TMCO5A: variants seen among roughly 807,000 people sequenced by gnomAD.
TMCO5A encodes transmembrane and coiled-coil domains 5A.
In TMCO5A, 34 loss-of-function variants were observed where a neutral mutation model predicts 42.3. The ratio of observed to expected loss-of-function variants is 0.80; its 90% CI spans 0.61 to 1.07. The LOEUF is 1.07. Ranked by LOEUF, TMCO5A falls within the 50% of genes least tolerant of loss-of-function variation. The pLI is 0.00. For missense variants in TMCO5A, 357 were observed against 327.9 expected (o/e 1.09, Z -0.69); for synonymous variants, 131 against 115.6 (o/e 1.13, Z -0.86).
the TMCO5A span, among the ~76,000 whole-genome samples, chr15:38,008,614 A>G: frequency 0.2 from 29,962 of 152,178 alleles, 3,143 homozygotes; most frequent in Middle Eastern, 0.32. Flanking sequence ...CTAAATACCA[A>G]TAAGCTTCTG....
intron 11 of TMCO5A, 53 bp downstream of exon 11, chr15:37,947,749 G>C: frequency 8.1e-7 from 1 of 1,237,548 alleles, no homozygotes; most frequent in East Asian, 2.3e-5. Flanking sequence ...GCCCTATTTA[G>C]CTATTCGGGC....
intron 6 of TMCO5A, 140 bp from the exon 7 acceptor site, chr15:37,941,009 G>C (rs1238314054): frequency 3.0e-6 from 2 of 677,692 alleles, no homozygotes; most frequent in Non-Finnish European, 5.2e-6. Flanking sequence ...GGTGCTGGGT[G>C]GCTTAATTCC....
Position 37,951,167 on chromosome 15 carries a change from T to G in TMCO5A, c.800T>G (p.Leu267Trp), listed in dbSNP as rs779985186. Residue 267 changes from leucine to tryptophan, a missense_variant, in exon 12 of 12, where the codon TTG becomes TGG. Transcript: ENST00000319669. The part of the protein sequence containing the change: ...VLPKVLGRST[L>W]WKLRCFFFPS... ...CCCAAGGTACTGGGCAGGAGCACCT[T>G]GTGGAAGCTCAGATGCTTCTTCTTT... The G allele has an allele frequency of 3.7e-6, 6 of 1,613,764 alleles. No homozygotes were observed. In the East Asian group the frequency reaches 1.3e-4, roughly 36 times the overall value.
the TMCO5A span, among the ~76,000 whole-genome samples, chr15:37,983,500 A>G: frequency 1.3e-5 from 2 of 152,202 alleles, no homozygotes; most frequent in Non-Finnish European, 2.9e-5. Context: ...GGTAGGGGAA[A>G]GTTCACCTAC....
chr15:38,016,844 G>A, the TMCO5A span, among the ~76,000 whole-genome samples: 1 of 152,172 alleles, frequency 6.6e-6, no homozygotes, highest in South Asian at 2.1e-4. Flanking sequence ...ACTAGTAGGA[G>A]AAAAGAATAA....
intron 11 of TMCO5A, among the ~76,000 whole-genome samples, chr15:37,966,400 T>C (rs1335216652): frequency 6.6e-6 from 1 of 152,156 alleles, no homozygotes; most frequent in Admixed American, 6.5e-5. Context: ...GTAAATACAA[T>C]GGATAAATGC....
chr15:37,978,913 T>C, the TMCO5A span, among the ~76,000 whole-genome samples: 9 of 151,980 alleles, frequency 5.9e-5, no homozygotes, highest in South Asian at 1.0e-3. Flanking sequence ...GGCATCTTAA[T>C]GGCAGGAGCA....
the TMCO5A span, among the ~76,000 whole-genome samples, chr15:38,039,661 A>G: frequency 6.6e-5 from 10 of 152,324 alleles, no homozygotes; most frequent in African/African-American, 2.4e-4. Flanking sequence ...ATGGCAGTTT[A>G]TCTTTTGTGA....
the TMCO5A span, among the ~76,000 whole-genome samples, chr15:37,985,054 G>GAA: frequency 1.4e-5 from 2 of 141,100 alleles, no homozygotes; most frequent in South Asian, 4.5e-4. Context: ...AATGTTCAGG[G>GAA]AAAAAAAAAA....
At chr15:37,958,966 G>T (rs1890358212) in intron 11 of TMCO5A, among the ~76,000 whole-genome samples, 1 of 152,048 alleles carries the variant, frequency 6.6e-6, no homozygotes, top group Non-Finnish European at 1.5e-5. Flanking sequence ...CATGTACTTT[G>T]CAGGGCCATG....
the TMCO5A span, among the ~76,000 whole-genome samples, chr15:38,038,295 G>A: frequency 6.6e-6 from 1 of 152,218 alleles, no homozygotes; most frequent in Admixed American, 6.5e-5. Context: ...ATGGGACGAT[G>A]GCACTGCTAT....
At chr15:37,951,476 C>A, downstream of TMCO5A, 1 of 435,454 alleles carries the variant, frequency 2.3e-6, no homozygotes, top group Non-Finnish European at 4.1e-6. Context: ...ACAAATTTGA[C>A]CATTTGGGGA....
At chr15:37,989,813 G>A in the TMCO5A span, among the ~76,000 whole-genome samples, 41 of 151,986 alleles carry the variant, frequency 2.7e-4, no homozygotes, top group Non-Finnish European at 4.9e-4. Context: ...AAGCACAAAA[G>A]GTGGATGAAC....
chr15:37,944,692 C>A (rs1318537589), intron 10 of TMCO5A, among the ~76,000 whole-genome samples: 1 of 152,066 alleles, frequency 6.6e-6, no homozygotes, highest in Admixed American at 6.6e-5. Flanking sequence ...ACCTCAACCT[C>A]CCAAGTAGCT....
chr15:37,941,321 A>G lies in TMCO5A; in HGVS notation c.444+116A>G, dbSNP rs958501196. The G allele has an allele frequency of 5.7e-6, 6 of 1,054,186 alleles. No homozygotes were observed. The African/African-American group carries it at 9.5e-5, about 17-fold the overall frequency. The allele number at this position is 1,054,186 out of a possible 1,614,324, so 65.3% of individuals were successfully genotyped here. On this transcript the variant is annotated intron_variant, in intron 7 of 11. Coordinates refer to ENST00000319669, the MANE Select transcript of TMCO5A (RefSeq NM_152453.4). Reference sequence around the variant, plus strand: ...TTAAGGTTCCAGATCCAAGACCATGATGGGGCTAGGGAGGGGTAAAGAAAA... The same window carrying G: ...TTAAGGTTCCAGATCCAAGACCATGGTGGGGCTAGGGAGGGGTAAAGAAAA...
chr15:37,959,621 T>A (rs1254780650), intron 11 of TMCO5A, among the ~76,000 whole-genome samples: 2 of 152,056 alleles, frequency 1.3e-5, no homozygotes, highest in South Asian at 4.1e-4. Flanking sequence ...AAAAAGCAAT[T>A]GATATAATTC....
downstream of TMCO5A, among the ~76,000 whole-genome samples, chr15:37,955,846 T>C (rs1890274878): frequency 6.6e-6 from 1 of 152,110 alleles, no homozygotes; most frequent in Non-Finnish European, 1.5e-5. Flanking sequence ...TAATTGGAAG[T>C]AAAACACTCC....
At chr15:37,964,747 T>A (rs1890517000) in intron 11 of TMCO5A, among the ~76,000 whole-genome samples, 1 of 152,068 alleles carries the variant, frequency 6.6e-6, no homozygotes, top group African/African-American at 2.4e-5. Flanking sequence ...AAAACACTGA[T>A]GAAAGAAATT....
chr15:37,956,942 C>T (rs1026227028), intron 11 of TMCO5A, among the ~76,000 whole-genome samples: 1 of 151,924 alleles, frequency 6.6e-6, no homozygotes, highest in African/African-American at 2.4e-5. Flanking sequence ...CAACGGATGC[C>T]AATCAATAAA....
Sources: allele counts gnomAD v4.1 joint callset (sites outside exome capture counted in the v4.1 genomes callset), GRCh38; gene constraint gnomAD v4.1.1; transcripts MANE v1.5; gene names NCBI Gene and HGNC (gene_info 2026-07-23, HGNC 2026-07-21).